FGF12: variants seen among roughly 807,000 people sequenced by gnomAD.
FGF12 encodes fibroblast growth factor 12B.
A neutral mutation model predicts 23.6 loss-of-function variants in FGF12; 14 were observed. The ratio of observed to expected loss-of-function variants is 0.59; its 90% CI spans 0.39 to 0.93. The LOEUF is 0.93. FGF12 is among the 40% of genes least tolerant of loss of function. The pLI, the probability that FGF12 is intolerant of heterozygous loss-of-function variation, is 0.00. For synonymous variants in FGF12, 62 were observed against 77.3 expected (o/e 0.80, Z 1.04); for missense variants, 175 against 217.8 (o/e 0.80, Z 1.24).
intron 2 of FGF12, among the ~76,000 whole-genome samples, chr3:192,599,842 A>G (rs1221512754): frequency 6.6e-6 from 1 of 152,166 alleles, no homozygotes; most frequent in African/African-American, 2.4e-5. Flanking sequence ...CAACTATATG[A>G]CATTATAGAG....
intron 2 of FGF12, among the ~76,000 whole-genome samples, chr3:192,398,313 T>C (rs1720610925): frequency 6.6e-6 from 1 of 152,076 alleles, no homozygotes; most frequent in Admixed American, 6.6e-5. Flanking sequence ...CAGTCACAAA[T>C]GTTTTTCCTG....
chr3:192,185,781 C>T (rs1221807390), intron 4 of FGF12, among the ~76,000 whole-genome samples: 2 of 151,880 alleles, frequency 1.3e-5, no homozygotes, highest in East Asian at 1.9e-4. Context: ...AATGCTTGAA[C>T]CCAGGAGGCG....
intron 2 of FGF12, among the ~76,000 whole-genome samples, chr3:192,629,570 A>G (rs565233687): frequency 6.6e-6 from 1 of 152,348 alleles, no homozygotes; most frequent in Admixed American, 6.5e-5. Context: ...GGGCTGAGTA[A>G]GCAATAAAAA....
rs113783541 is a variant in FGF12 at position 192,658,554 on chromosome 3, A to G, written c.13+68627T>C. On this transcript the variant is annotated intron_variant, in intron 2 of 5. Transcript: ENST00000445105. ...ACCAGTAAACAAAGTTTTAGGGTGC[A>G]TTAGCTTTACCCTAGAAAGCAGGGC... is the stretch of plus-strand genomic sequence containing the variant. Among the ~76,000 whole-genome samples the G allele has an allele frequency of 3.9e-3, 595 of 152,334 alleles. 4 individuals carry two copies. Among genetic ancestry groups the G allele is most frequent in the African/African-American group, 0.014 (565 of 41,578 alleles).
intron 2 of FGF12, among the ~76,000 whole-genome samples, chr3:192,698,471 A>G (rs1308229354): frequency 6.6e-6 from 1 of 152,194 alleles, no homozygotes; most frequent in African/African-American, 2.4e-5. Flanking sequence ...ATCATATAAT[A>G]CCAAAAATAA....
intron 4 of FGF12, among the ~76,000 whole-genome samples, chr3:192,245,601 A>G (rs1711528862): frequency 6.6e-6 from 1 of 152,234 alleles, no homozygotes; most frequent in Non-Finnish European, 1.5e-5. Context: ...CATGCCAGGT[A>G]GCATGGAAGG....
chr3:192,260,053 C>T (rs947850940), intron 4 of FGF12, among the ~76,000 whole-genome samples: 9 of 152,084 alleles, frequency 5.9e-5, no homozygotes, highest in Non-Finnish European at 1.0e-4. Context: ...ATTTTTTCTT[C>T]CCCAACCGGA....
chr3:192,190,633 G>A (rs1391839666), intron 4 of FGF12, among the ~76,000 whole-genome samples: 1 of 151,574 alleles, frequency 6.6e-6, no homozygotes, highest in Non-Finnish European at 1.5e-5. Flanking sequence ...CCGCCACCGC[G>A]CCCGGCTAAT....
chr3:192,214,136 T>C (rs1324630761), intron 4 of FGF12, among the ~76,000 whole-genome samples: 1 of 152,222 alleles, frequency 6.6e-6, no homozygotes, highest in Non-Finnish European at 1.5e-5. Context: ...AACTGTAACA[T>C]TTACCAAGAA....
At chr3:192,503,453 A>C (rs1724191639) in intron 2 of FGF12, among the ~76,000 whole-genome samples, 1 of 152,052 alleles carries the variant, frequency 6.6e-6, no homozygotes, top group Admixed American at 6.5e-5. Context: ...ACTATCACCC[A>C]AGTTATATGT....
At chr3:192,229,679 G>A (rs1378444698) in intron 4 of FGF12, among the ~76,000 whole-genome samples, 1 of 152,002 alleles carries the variant, frequency 6.6e-6, no homozygotes, top group Non-Finnish European at 1.5e-5. Flanking sequence ...ATATTTCTAT[G>A]AGCAATTTAT....
intron 2 of FGF12, among the ~76,000 whole-genome samples, chr3:192,432,987 C>A (rs1721910330): frequency 6.6e-6 from 1 of 152,146 alleles, no homozygotes; most frequent in African/African-American, 2.4e-5. Flanking sequence ...TCTGATTTCC[C>A]ACACAATTTC....
chr3:192,405,710 T>G (rs1358614402), intron 2 of FGF12, among the ~76,000 whole-genome samples: 1 of 152,204 alleles, frequency 6.6e-6, no homozygotes, highest in African/African-American at 2.4e-5. Flanking sequence ...CAACTAAAGA[T>G]TCTTCTCTGG....
At position 192,561,953 on chromosome 3, in the gene FGF12, A is replaced by G. The variant is rs150888464; in HGVS notation, c.13+165228T>C. 8.1e-3 allele frequency among the ~76,000 whole-genome samples: 1,233 copies of G among 152,174 alleles called. 9 individuals carry two copies. Among genetic ancestry groups the G allele is most frequent in the Non-Finnish European group, 0.012 (829 of 68,002 alleles). ...AAAAAAGAAAATGACTTGTACATGA[A>G]TATTTCCAGAAGCTTTATTCAAGTT... On this transcript the variant is annotated intron_variant, in intron 2 of 5. Coordinates refer to ENST00000445105, the MANE Select transcript of FGF12 (RefSeq NM_004113.6).
At chr3:192,194,611 C>G (rs1255835213) in intron 4 of FGF12, among the ~76,000 whole-genome samples, 1 of 152,044 alleles carries the variant, frequency 6.6e-6, no homozygotes, top group East Asian at 1.9e-4. Context: ...TGGAATTTTT[C>G]TTTCTGTCCA....
intron 4 of FGF12, among the ~76,000 whole-genome samples, chr3:192,203,193 G>A (rs1398492959): frequency 1.3e-5 from 2 of 151,786 alleles, no homozygotes; most frequent in Non-Finnish European, 2.9e-5. Context: ...ATGTTCTTCT[G>A]TAGTTTAGAG....
At chr3:192,411,458 T>C (rs1353771280) in intron 2 of FGF12, among the ~76,000 whole-genome samples, 4 of 152,168 alleles carry the variant, frequency 2.6e-5, no homozygotes, top group Non-Finnish European at 5.9e-5. Flanking sequence ...GGATATATCC[T>C]TGGAATTCTA....
chr3:192,636,538 C>T lies in FGF12; in HGVS notation c.13+90643G>A, dbSNP rs1715591278. 2.6e-5 allele frequency among the ~76,000 whole-genome samples: 4 copies of T among 152,320 alleles called. No individual in the cohort carries two copies. In the South Asian group the frequency reaches 8.3e-4, roughly 32 times the overall value. ...TCTCTTCCAAGGTGTCATGCTACAT[C>T]TTTACTTCTTTTCTCCTTCATGAGT... On this transcript the variant is annotated intron_variant, in intron 2 of 5. Coordinates refer to ENST00000445105, the MANE Select transcript of FGF12 (RefSeq NM_004113.6).
chr3:192,179,805 C>G (rs565230324), intron 4 of FGF12, among the ~76,000 whole-genome samples: 2 of 151,992 alleles, frequency 1.3e-5, no homozygotes, highest in South Asian at 2.1e-4. Context: ...TTTGGCCTCC[C>G]GGGGTGCTGG....
Sources: gnomAD v4.1 joint callset for allele counts (sites outside exome capture counted in the v4.1 genomes callset) on GRCh38, gnomAD v4.1.1 for gene constraint, MANE v1.5 for transcripts, NCBI Gene and HGNC (gene_info 2026-07-23, HGNC 2026-07-21) for gene names.